The following KCNQ1 variants were observed in gnomAD, a reference collection of about 807,000 sequenced individuals.
The protein encoded by KCNQ1 is potassium voltage-gated channel subfamily KQT member 1.
A neutral mutation model predicts 72.4 loss-of-function variants in KCNQ1; 49 were observed. That is an observed-to-expected ratio of 0.68 (90% CI 0.54 to 0.86). KCNQ1 has a LOEUF of 0.86. Ranked by LOEUF, KCNQ1 falls within the 40% of genes least tolerant of loss-of-function variation. The probability of loss-of-function intolerance (pLI) is 0.00; values close to 1 mark genes in which losing one functional copy is unlikely to be tolerated. For synonymous variants in KCNQ1, 450 were observed against 412.6 expected (o/e 1.09, Z -1.10); for missense variants, 790 against 945.1 (o/e 0.84, Z 2.15).
chr11:2,523,257 G>A (rs7122318), intron 1 of KCNQ1, among the ~76,000 whole-genome samples: 11,582 of 151,358 alleles, frequency 0.077, 619 homozygotes, highest in African/African-American at 0.15. Flanking sequence ...GCAGTGGCGC[G>A]ATCTCGGCTC....
intron 2 of KCNQ1, among the ~76,000 whole-genome samples, chr11:2,568,818 C>A (rs1247640754): frequency 1.1e-4 from 16 of 151,610 alleles, no homozygotes; most frequent in East Asian, 2.0e-4. Flanking sequence ...GGGACCCACA[C>A]CCCCCCCATG....
intron 1 of KCNQ1, among the ~76,000 whole-genome samples, chr11:2,513,354 A>T (rs187749781): frequency 9.9e-5 from 15 of 152,158 alleles, no homozygotes; most frequent in Non-Finnish European, 2.1e-4. Context: ...CAAGGGACCC[A>T]TGGGACTTGA....
At chr11:2,530,057 G>A (rs917873871) in intron 2 of KCNQ1, among the ~76,000 whole-genome samples, 3 of 152,178 alleles carry the variant, frequency 2.0e-5, no homozygotes, top group Admixed American at 6.5e-5. Context: ...CTCATGCTTT[G>A]TTCAGACTTT....
At chr11:2,472,685 G>A (rs1846505353) in intron 1 of KCNQ1, among the ~76,000 whole-genome samples, 1 of 152,012 alleles carries the variant, frequency 6.6e-6, no homozygotes, top group Non-Finnish European at 1.5e-5. Flanking sequence ...AGCTGGCCAG[G>A]GACTTGAGCT....
chr11:2,521,846 A>G (rs1056743589), intron 1 of KCNQ1, among the ~76,000 whole-genome samples: 2 of 152,188 alleles, frequency 1.3e-5, no homozygotes, highest in Non-Finnish European at 2.9e-5. Context: ...AACCAGGCCC[A>G]TTTAGGAGCA....
At position 2,695,921 on chromosome 11, in the gene KCNQ1, C is replaced by T. The variant is rs1479524696; in HGVS notation, c.1514+33840C>T. The T allele has an allele frequency of 1.0e-5, 4 of 398,442 alleles. No homozygotes were observed. The highest frequency in any genetic ancestry group is 2.1e-5 in the African/African-American group (1 of 48,618). 24.7% of individuals were successfully genotyped at this position (398,442 alleles called of 1,614,324 possible). ...ACCTTTTTCTTAATGATTTGTGGTGCTTTCTGGTATATTTTAGCTGTTGTT... is the reference window on the plus strand; with the variant it reads ...ACCTTTTTCTTAATGATTTGTGGTGTTTTCTGGTATATTTTAGCTGTTGTT... On this transcript the variant is annotated intron_variant, in intron 11 of 15. Coordinates refer to ENST00000155840, the MANE Select transcript of KCNQ1 (RefSeq NM_000218.3). This position sits in a 1 kb window ranked among gnomAD's most constrained non-coding sequence, Gnocchi z 5.2.
rs1027478750 is a variant in KCNQ1 at position 2,712,959 on chromosome 11, G to A, written c.1514+50878G>A. Among the ~76,000 whole-genome samples the A allele has an allele frequency of 6.6e-6, 1 of 152,194 alleles. No individual in the cohort carries two copies. Among genetic ancestry groups the A allele is most frequent in the East Asian group, 1.9e-4 (1 of 5,194 alleles). Reference sequence around the variant, plus strand: ...CTGGAAGACACCCGGGTTGTAAACAGGGTGGGGCAGGGGTCCTGGTAAGTA... The same window carrying A: ...CTGGAAGACACCCGGGTTGTAAACAAGGTGGGGCAGGGGTCCTGGTAAGTA... On this transcript the variant is annotated intron_variant, in intron 11 of 15. Transcript: ENST00000155840. This position sits in a 1 kb window ranked among gnomAD's most constrained non-coding sequence, Gnocchi z 6.4.
At position 2,787,296 on chromosome 11, in the gene KCNQ1, C is replaced by A. The variant is rs1457992411; in HGVS notation, c.1794+9259C>A. The stretch of plus-strand genomic sequence containing the variant: ...TTGGCCCTCACAATGAAAGCAGAGC[C>A]CTTTGAGGGTCCCAGCTTTGTGTAA... On this transcript the variant is annotated intron_variant, in intron 15 of 15. Coordinates refer to ENST00000155840, the MANE Select transcript of KCNQ1 (RefSeq NM_000218.3). The surrounding 1 kb of genome is among the most constrained non-coding windows in gnomAD (Gnocchi z 6.3). Among the ~76,000 whole-genome samples the A allele has an allele frequency of 6.6e-6, 1 of 152,108 alleles. No homozygotes were observed. Among genetic ancestry groups the A allele is most frequent in the African/African-American group, 2.4e-5 (1 of 41,416 alleles).
In KCNQ1 at chr11:2,816,551, G is replaced by T. The variant is rs1013483195; in HGVS notation, c.1795-31216G>T. 8.5e-5 allele frequency among the ~76,000 whole-genome samples: 13 copies of T among 152,202 alleles called. No individual in the cohort carries two copies. Among genetic ancestry groups the T allele is most frequent in the African/African-American group, 3.1e-4 (13 of 41,444 alleles). On this transcript the variant is annotated intron_variant, in intron 15 of 15. Coordinates refer to ENST00000155840, the MANE Select transcript of KCNQ1 (RefSeq NM_000218.3). The surrounding 1 kb of genome is among the most constrained non-coding windows in gnomAD (Gnocchi z 6.8). Reference sequence around the variant, plus strand: ...ACTCTGACTGCCTGTCATCCAGAGGGAGCAAACAGCCACCCTGTGGTGAAG... The same window carrying T: ...ACTCTGACTGCCTGTCATCCAGAGGTAGCAAACAGCCACCCTGTGGTGAAG...
chr11:2,546,201 C>G (rs900093568), intron 2 of KCNQ1, among the ~76,000 whole-genome samples: 1 of 151,788 alleles, frequency 6.6e-6, no homozygotes, highest in African/African-American at 2.4e-5. Context: ...TTAACTTCTT[C>G]TCTGGTGTAT....
At chr11:2,570,810 C>A (rs1003233938) in intron 3 of KCNQ1, 56 bp downstream of exon 3, 2 of 1,601,196 alleles carry the variant, frequency 1.2e-6, no homozygotes, top group African/African-American at 2.7e-5. Context: ...CAGGAAGGAC[C>A]CCCACCTCAT....
chr11:2,587,636 G>C lies in KCNQ1; in HGVS notation c.1195G>C (p.Ala399Pro). The change falls in exon 9 of 16, where the codon GCC becomes CCC. Residue 399 changes from alanine (A) to proline (P), a missense_variant. Coordinates refer to ENST00000155840, the MANE Select transcript of KCNQ1 (RefSeq NM_000218.3). ...SSTWKIYIRKAPRSHTLLSPS... is the reference protein window; with the variant it reads ...SSTWKIYIRKPPRSHTLLSPS... ...CACCTGGAAGATCTACATCCGGAAG[G>C]CCCCCCGGAGCCACACTCTGCTGTC... 1 of 1,613,864 alleles carries C rather than the reference G, an allele frequency of 6.2e-7. No individual in the cohort carries two copies. Among genetic ancestry groups the C allele is most frequent in the Non-Finnish European group, 8.5e-7 (1 of 1,179,990 alleles).
intron 1 of KCNQ1, among the ~76,000 whole-genome samples, chr11:2,511,495 C>T (rs1033840090): frequency 1.3e-5 from 2 of 152,150 alleles, no homozygotes; most frequent in Non-Finnish European, 2.9e-5. Context: ...GGGAGTCCAC[C>T]CTCCATGACT....
At position 2,668,019 on chromosome 11, in the gene KCNQ1, T is replaced by C; in HGVS notation, c.1514+5938T>C. ...TGAGATTAACCACAGGCCTAACTGCTAGCAGCAAGGACCAGCTTTGCCCAC... is the reference window on the plus strand; with the variant it reads ...TGAGATTAACCACAGGCCTAACTGCCAGCAGCAAGGACCAGCTTTGCCCAC... On this transcript the variant is annotated intron_variant, in intron 11 of 15. Transcript: ENST00000155840. This position sits in a 1 kb window ranked among gnomAD's most constrained non-coding sequence, Gnocchi z 4.3. The C allele has an allele frequency of 2.5e-6, 1 of 398,634 alleles. No individual in the cohort carries two copies. Among genetic ancestry groups the C allele is most frequent in the Non-Finnish European group, 4.4e-6 (1 of 226,076 alleles). 24.7% of individuals were successfully genotyped at this position (398,634 alleles called of 1,614,324 possible).
chr11:2,564,765 C>A lies in KCNQ1; in HGVS notation c.478-5863C>A, dbSNP rs959161620. Among the ~76,000 whole-genome samples, 10 of 152,200 alleles carry A rather than the reference C, an allele frequency of 6.6e-5. No individual in the cohort carries two copies. The East Asian group carries it at 1.9e-3, about 29-fold the overall frequency. On this transcript the variant is annotated intron_variant, in intron 2 of 15. Transcript: ENST00000155840. The surrounding 1 kb of genome is among the most constrained non-coding windows in gnomAD (Gnocchi z 4.5). ...CTACTCCCCCTTCCCCAGCCCCTGG[C>A]GCCCATCATCTACTTTCTACCTCTG...
rs556237893 is a variant in KCNQ1 at position 2,557,352 on chromosome 11, T to C, written c.478-13276T>C. Among the ~76,000 whole-genome samples, 3 of 152,110 alleles carry C rather than the reference T, an allele frequency of 2.0e-5. No homozygotes were observed. The South Asian group carries it at 6.2e-4, about 32-fold the overall frequency. On this transcript the variant is annotated intron_variant, in intron 2 of 15. Transcript: ENST00000155840. ...GGTTAAATATGATAACGGGAGGAGA[T>C]TTTAATGTACCTCTTTTGGAATAGG... is the stretch of plus-strand genomic sequence containing the variant.
At chr11:2,776,081 A>T in intron 13 of KCNQ1, 27 bp downstream of exon 13, 1 of 1,531,226 alleles carries the variant, frequency 6.5e-7, no homozygotes, top group Non-Finnish European at 8.8e-7. Context: ...GGCAGCGGGG[A>T]GGGTGCCCAG....
intron 14 of KCNQ1, chr11:2,777,547 T>G: frequency 1.8e-6 from 1 of 547,454 alleles, no homozygotes; most frequent in South Asian, 2.9e-5. Flanking sequence ...AAAGGCACAT[T>G]CCCTGGGGTT....
Position 2,678,423 on chromosome 11 carries a change from G to A in KCNQ1, c.1514+16342G>A. On this transcript the variant is annotated intron_variant, in intron 11 of 15. Transcript: ENST00000155840. The surrounding 1 kb of genome is among the most constrained non-coding windows in gnomAD (Gnocchi z 4.9). Reference sequence around the variant, plus strand: ...TCCAGTTGTCCAACACTATTTATTTGAGTACATCATCATCTCTCTACTAAT... The same window carrying A: ...TCCAGTTGTCCAACACTATTTATTTAAGTACATCATCATCTCTCTACTAAT... 1 of 398,482 alleles carries A rather than the reference G, an allele frequency of 2.5e-6. No individual in the cohort carries two copies. Among genetic ancestry groups the A allele is most frequent in the Non-Finnish European group, 4.4e-6 (1 of 226,032 alleles). 24.7% of individuals were successfully genotyped at this position (398,482 alleles called of 1,614,324 possible). A position where few individuals can be genotyped will look rare whatever the true frequency, so the allele number is the denominator to read the frequency against.
Sources: gnomAD v4.1 joint callset for allele counts (sites outside exome capture counted in the v4.1 genomes callset) on GRCh38, gnomAD v4.1.1 for gene constraint, Gnocchi (gnomAD v3.1) non-coding constraint, MANE v1.5 for transcripts, NCBI Gene and HGNC (gene_info 2026-07-23, HGNC 2026-07-21) for gene names.